Variants in LRRC28 observed in about 807,000 individuals in gnomAD.
LRRC28 encodes the protein leucine rich repeat containing 28.
A neutral mutation model predicts 45.7 loss-of-function variants in LRRC28; 39 were observed. The observed-to-expected ratio is 0.85, with a 90% CI of 0.66 to 1.12. LRRC28 has a LOEUF of 1.12. Among genes scored for constraint, LRRC28 ranks in the 50% most tolerant of loss-of-function variants. The pLI, the probability that LRRC28 is intolerant of heterozygous loss-of-function variation, is 0.00. For missense variants in LRRC28, 435 were observed against 438.5 expected (o/e 0.99, Z 0.07); for synonymous variants, 206 against 178.8 (o/e 1.15, Z -1.22).
Position 99,287,826 on chromosome 15 carries a change from T to A in LRRC28, c.260T>A (p.Leu87His), listed in dbSNP as rs766362753. The change falls in exon 5 of 10, where the codon CTT becomes CAT. Residue 87 changes from leucine to histidine, a missense_variant. By Grantham distance (99) the Leu-to-His change is moderately conservative. Transcript: ENST00000301981. ...IVVVPEAIGS[L>H]VKLQCLDLSD... is the part of the protein sequence containing the mutation. ...TTTCTCTTTGAAGCCATTGGGTCTCTTGTAAAACTCCAATGTCTGGATCTT... is the reference window on the plus strand; with the variant it reads ...TTTCTCTTTGAAGCCATTGGGTCTCATGTAAAACTCCAATGTCTGGATCTT... 1 of 1,612,066 alleles carries A rather than the reference T, an allele frequency of 6.2e-7. No individual in the cohort carries two copies.
rs117293722 is a variant in LRRC28 at position 99,259,510 on chromosome 15, A to G, written c.168+3385A>G. 26 of 1,177,778 alleles carry G rather than the reference A, an allele frequency of 2.2e-5. No individual in the cohort carries two copies. The East Asian group carries it at 6.1e-4, about 27-fold the overall frequency. The allele number at this position is 1,177,778 out of a possible 1,614,324, so 73.0% of individuals were successfully genotyped here. ...ATAAAGCCATTAAGGACAAGATTGA[A>G]AAGGCTATGGTATCTCAGTGCCTGA... On this transcript the variant is annotated intron_variant, in intron 2 of 9. Transcript: ENST00000301981.
intron 6 of LRRC28, among the ~76,000 whole-genome samples, chr15:99,335,627 C>G (rs1311656147): frequency 6.6e-6 from 1 of 152,082 alleles, no homozygotes; most frequent in Non-Finnish European, 1.5e-5. Flanking sequence ...TGAGAATAGC[C>G]ACTGCACTCC....
At chr15:99,377,601 A>T (rs1276795122) in intron 9 of LRRC28, among the ~76,000 whole-genome samples, 1 of 152,016 alleles carries the variant, frequency 6.6e-6, no homozygotes, top group African/African-American at 2.4e-5. Flanking sequence ...GGTGTTTTAG[A>T]CATGAAGTCC....
At chr15:99,273,385 C>CAA (rs1296757088) in intron 2 of LRRC28, among the ~76,000 whole-genome samples, 6 of 152,060 alleles carry the variant, frequency 3.9e-5, no homozygotes. Context: ...TACAGGCACT[C>CAA]ACCACCACGC....
chr15:99,352,156 C>G (rs537447479), intron 6 of LRRC28, among the ~76,000 whole-genome samples: 1 of 152,142 alleles, frequency 6.6e-6, no homozygotes, highest in Non-Finnish European at 1.5e-5. Context: ...GTTTAGGAAC[C>G]TGACTAAAGT....
chr15:99,384,533 C>G lies in LRRC28; in HGVS notation c.1032-1497C>G, dbSNP rs368147149. 4 of 152,342 alleles carry G rather than the reference C, an allele frequency of 2.6e-5. No individual in the cohort carries two copies. In the East Asian group the frequency reaches 7.7e-4, roughly 29 times the overall value. The allele number at this position is 152,342 out of a possible 1,614,324, so 9.4% of individuals were successfully genotyped here. ...GCCACCATAAAAACTTTCTGATTCT[C>G]TGTCCATGCCTTGAGTTGAGATCTC... is the stretch of plus-strand genomic sequence containing the variant. On this transcript the variant is annotated intron_variant, in intron 9 of 9. Transcript: ENST00000301981.
intron 6 of LRRC28, among the ~76,000 whole-genome samples, chr15:99,348,894 C>T (rs1365211700): frequency 6.6e-6 from 1 of 151,826 alleles, no homozygotes; most frequent in East Asian, 1.9e-4. Flanking sequence ...AGTATTAATT[C>T]TTCCTATCCA....
intron 9 of LRRC28, among the ~76,000 whole-genome samples, chr15:99,380,612 C>T (rs538967162): frequency 8.5e-5 from 13 of 152,268 alleles, no homozygotes; most frequent in South Asian, 2.1e-4. Flanking sequence ...TTAGTTGATG[C>T]AGTTTCTTCC....
chr15:99,347,262 T>G (rs1956716267), intron 6 of LRRC28, among the ~76,000 whole-genome samples: 1 of 151,694 alleles, frequency 6.6e-6, no homozygotes, highest in Non-Finnish European at 1.5e-5. Context: ...CAGGCTGGAG[T>G]GCAGTGGTGC....
At chr15:99,322,208 G>A (rs1473406501) in intron 5 of LRRC28, among the ~76,000 whole-genome samples, 2 of 152,176 alleles carry the variant, frequency 1.3e-5, no homozygotes, top group East Asian at 3.9e-4. Flanking sequence ...TTGCTAGTAA[G>A]ATGGTGTTAG....
At chr15:99,354,646 GA>G (rs1399276414) in intron 7 of LRRC28, among the ~76,000 whole-genome samples, 155 of 152,332 alleles carry the variant, frequency 1.0e-3, no homozygotes, top group African/African-American at 3.6e-3. Flanking sequence ...GTACAGTGAT[GA>G]GCTAAGCGAT....
At chr15:99,290,587 C>T (rs1349540680) in intron 5 of LRRC28, among the ~76,000 whole-genome samples, 1 of 152,046 alleles carries the variant, frequency 6.6e-6, no homozygotes, top group Non-Finnish European at 1.5e-5. Flanking sequence ...ATAAGATATA[C>T]AACCAAAATT....
intron 2 of LRRC28, among the ~76,000 whole-genome samples, chr15:99,262,452 C>A (rs569164880): frequency 8.1e-4 from 123 of 152,058 alleles, no homozygotes; most frequent in Non-Finnish European, 1.6e-3. Context: ...CATGGTGGTG[C>A]GCGTCTGTAG....
chr15:99,356,625 C>T (rs750126123), intron 7 of LRRC28, among the ~76,000 whole-genome samples: 4 of 152,100 alleles, frequency 2.6e-5, no homozygotes, highest in Non-Finnish European at 5.9e-5. Flanking sequence ...TGGGTAACGT[C>T]AGTAACAAAC....
intron 6 of LRRC28, among the ~76,000 whole-genome samples, chr15:99,341,447 C>G (rs781038811): frequency 5.9e-5 from 9 of 152,076 alleles, no homozygotes; most frequent in Non-Finnish European, 8.8e-5. Context: ...AAGGGTTTTG[C>G]TCTTGTGTTA....
chr15:99,258,647 G>A, intron 2 of LRRC28: 1 of 754,734 alleles, frequency 1.3e-6, no homozygotes, highest in Non-Finnish European at 2.4e-6. Context: ...AACCAATATG[G>A]CAGAGACCAT....
intron 5 of LRRC28, among the ~76,000 whole-genome samples, chr15:99,315,532 T>A (rs1955562822): frequency 1.3e-5 from 2 of 152,338 alleles, no homozygotes; most frequent in South Asian, 4.1e-4. Context: ...GTTTGTTGAT[T>A]AAACTCAATT....
chr15:99,363,593 A>G (rs1436334176), intron 9 of LRRC28, among the ~76,000 whole-genome samples: 1 of 152,362 alleles, frequency 6.6e-6, no homozygotes, highest in African/African-American at 2.4e-5. Context: ...AATGTGTTAC[A>G]TAACGGGATG....
intron 6 of LRRC28, chr15:99,337,876 GGAT>G (rs747582309): frequency 1.2e-4 from 19 of 152,468 alleles, no homozygotes; most frequent in African/African-American, 3.6e-4. Flanking sequence ...ACAAGCAAGA[GGAT>G]GATGATGATG....
Sources: allele counts gnomAD v4.1 joint callset (sites outside exome capture counted in the v4.1 genomes callset), GRCh38; gene constraint gnomAD v4.1.1; transcripts MANE v1.5; gene names NCBI Gene and HGNC (gene_info 2026-07-23, HGNC 2026-07-21).